The following NAV2 variants were observed in gnomAD, a reference collection of about 807,000 sequenced individuals.
NAV2 encodes neuron navigator 2.
NAV2 carries 54 observed loss-of-function variants against 223.2 expected under a neutral mutation model. That is an observed-to-expected ratio of 0.24 (90% CI 0.19 to 0.30). The LOEUF is 0.30. Among genes scored for constraint, NAV2 ranks in the 10% least tolerant of loss-of-function variants. NAV2 has a pLI of 1.00. For synonymous variants in NAV2, 1,279 were observed against 1,239.3 expected (o/e 1.03, Z -0.67); for missense variants, 2,806 against 3,147.5 (o/e 0.89, Z 2.60).
At chr11:19,887,880 G>A (rs2041150349) in intron 5 of NAV2, among the ~76,000 whole-genome samples, 1 of 151,810 alleles carries the variant, frequency 6.6e-6, no homozygotes, top group Admixed American at 6.6e-5. Context: ...GTGCACACAA[G>A]CTGCCATGCT....
chr11:20,066,362 A>G (rs2059042164), intron 20 of NAV2, among the ~76,000 whole-genome samples: 1 of 152,240 alleles, frequency 6.6e-6, no homozygotes, highest in Non-Finnish European at 1.5e-5. Context: ...CTCTGAAGAC[A>G]TCTTCCAACC....
chr11:19,875,645 G>A (rs1055349548), intron 4 of NAV2, among the ~76,000 whole-genome samples: 5 of 152,178 alleles, frequency 3.3e-5, no homozygotes, highest in African/African-American at 9.7e-5. Context: ...GGGATTGATT[G>A]TAAATGAGCA....
intron 27 of NAV2, 104 bp downstream of exon 27, chr11:20,091,122 G>A: frequency 1.6e-6 from 2 of 1,240,540 alleles, no homozygotes; most frequent in Non-Finnish European, 1.1e-6. Flanking sequence ...TCTGGTGGCG[G>A]CCCTCGCTTT....
intron 1 of NAV2, among the ~76,000 whole-genome samples, chr11:19,606,475 T>G (rs188514048): frequency 6.6e-6 from 1 of 152,254 alleles, no homozygotes; most frequent in East Asian, 1.9e-4. Context: ...CTTCTCCATT[T>G]TCCACTTTTT....
At chr11:19,531,928 T>G (rs556631165) in intron 1 of NAV2, among the ~76,000 whole-genome samples, 1 of 152,276 alleles carries the variant, frequency 6.6e-6, no homozygotes, top group Admixed American at 6.5e-5. Context: ...TTTAGTAAGT[T>G]TGGGAGTTTC....
At chr11:19,695,828 C>T (rs1264253590) in intron 1 of NAV2, among the ~76,000 whole-genome samples, 3 of 150,894 alleles carry the variant, frequency 2.0e-5, no homozygotes, top group Non-Finnish European at 2.9e-5. Flanking sequence ...CACTTGAACT[C>T]GGGAGACGGA....
At chr11:19,574,462 G>T (rs188322244) in intron 1 of NAV2, among the ~76,000 whole-genome samples, 1 of 152,128 alleles carries the variant, frequency 6.6e-6, no homozygotes, top group East Asian at 1.9e-4. Flanking sequence ...TTGTCCCTGG[G>T]GCTCCAACAC....
chr11:19,619,854 G>A (rs1455609686), intron 1 of NAV2, among the ~76,000 whole-genome samples: 1 of 152,128 alleles, frequency 6.6e-6, no homozygotes, highest in Non-Finnish European at 1.5e-5. Flanking sequence ...GTCCTGAATG[G>A]TATTGCCTAG....
chr11:19,888,632 A>G (rs1012386140), intron 5 of NAV2, among the ~76,000 whole-genome samples: 3 of 152,140 alleles, frequency 2.0e-5, no homozygotes, highest in African/African-American at 7.2e-5. Context: ...ACCAAGTCCA[A>G]GCTCCATAGT....
chr11:19,631,389 G>A (rs1402878694), intron 1 of NAV2, among the ~76,000 whole-genome samples: 10 of 152,094 alleles, frequency 6.6e-5, no homozygotes, highest in Non-Finnish European at 1.3e-4. Context: ...AGTTTGCTGA[G>A]AATGAGGGTT....
intron 10 of NAV2, among the ~76,000 whole-genome samples, chr11:19,983,383 T>G (rs2050471216): frequency 6.6e-6 from 1 of 152,164 alleles, no homozygotes; most frequent in East Asian, 1.9e-4. Flanking sequence ...AAGAATAAAC[T>G]AGCATTAGTG....
At chr11:19,682,954 G>A (rs771893407) in intron 1 of NAV2, among the ~76,000 whole-genome samples, 1 of 152,158 alleles carries the variant, frequency 6.6e-6, no homozygotes, top group African/African-American at 2.4e-5. Context: ...GAGAAGTGAA[G>A]CATTTTCCAA....
intron 1 of NAV2, among the ~76,000 whole-genome samples, chr11:19,619,814 T>C (rs2046928855): frequency 6.7e-6 from 1 of 148,222 alleles, no homozygotes; most frequent in East Asian, 1.9e-4. Flanking sequence ...CTTTTGGTGT[T>C]TTAGTCATGA....
At chr11:19,679,827 A>C (rs967632257) in intron 1 of NAV2, among the ~76,000 whole-genome samples, 1 of 152,168 alleles carries the variant, frequency 6.6e-6, no homozygotes, top group African/African-American at 2.4e-5. Context: ...CTATCTTTGG[A>C]TTTCCAGTAT....
At chr11:19,632,065 G>A (rs541120176) in intron 1 of NAV2, among the ~76,000 whole-genome samples, 1 of 152,326 alleles carries the variant, frequency 6.6e-6, no homozygotes, top group Admixed American at 6.5e-5. Context: ...CAGGCAGGGT[G>A]GGGGTGTGGG....
intron 3 of NAV2, 145 bp downstream of exon 3, chr11:19,843,068 G>A: frequency 1.5e-6 from 1 of 674,200 alleles, no homozygotes; most frequent in South Asian, 2.2e-5. Flanking sequence ...CCAAGTAGCT[G>A]TGTTCTGCTT....
intron 10 of NAV2, among the ~76,000 whole-genome samples, chr11:19,975,826 C>G (rs934298650): frequency 6.6e-6 from 1 of 152,216 alleles, no homozygotes; most frequent in African/African-American, 2.4e-5. Flanking sequence ...AAAGTCACTG[C>G]TAAGGTGGGG....
intron 10 of NAV2, among the ~76,000 whole-genome samples, chr11:19,962,576 T>G (rs1468949468): frequency 2.6e-5 from 4 of 152,166 alleles, no homozygotes; most frequent in African/African-American, 4.8e-5. Flanking sequence ...TGACCACAGA[T>G]CAAGACTCTA....
chr11:19,873,913 A>G (rs1226884564), intron 4 of NAV2, among the ~76,000 whole-genome samples: 1 of 152,130 alleles, frequency 6.6e-6, no homozygotes, highest in Non-Finnish European at 1.5e-5. Context: ...AGCCGGCCCA[A>G]CTGCAGGGAC....
Sources: allele counts gnomAD v4.1 joint callset (sites outside exome capture counted in the v4.1 genomes callset), GRCh38; gene constraint gnomAD v4.1.1; transcripts MANE v1.5; gene names NCBI Gene and HGNC (gene_info 2026-07-23, HGNC 2026-07-21).